Variants in PRKD3 observed in about 807,000 individuals in gnomAD.
PRKD3 encodes protein kinase D3.
A neutral mutation model predicts 99.2 loss-of-function variants in PRKD3; 47 were observed. The ratio of observed to expected loss-of-function variants is 0.47; its 90% CI spans 0.38 to 0.60. PRKD3 has a LOEUF of 0.60. Among genes scored for constraint, PRKD3 ranks in the 20% least tolerant of loss-of-function variants. PRKD3 has a pLI of 0.00. For synonymous variants in PRKD3, 392 were observed against 355.4 expected, an observed-to-expected ratio of 1.10 and a Z score of -1.16; for missense variants, 1,019 against 1,088.4, an observed-to-expected ratio of 0.94 and a Z score of 0.90.
chr2:37,288,642 G>T (rs1277521492), intron 5 of PRKD3, among the ~76,000 whole-genome samples: 1 of 151,730 alleles, frequency 6.6e-6, no homozygotes, highest in African/African-American at 2.4e-5. Context: ...CACTGTATTA[G>T]GAAAAAAAAT....
intron 12 of PRKD3, among the ~76,000 whole-genome samples, chr2:37,270,373 A>G (rs1252249810): frequency 6.6e-6 from 1 of 151,128 alleles, no homozygotes; most frequent in African/African-American, 2.4e-5. Context: ...AAAAAACTCA[A>G]AAGTTCATAT....
chr2:37,266,905 A>C (rs1668882022), intron 14 of PRKD3, among the ~76,000 whole-genome samples: 1 of 152,252 alleles, frequency 6.6e-6, no homozygotes, highest in African/African-American at 2.4e-5. Flanking sequence ...GGATCAAGCT[A>C]AATTTTAATC....
In PRKD3 at chr2:37,251,585, C is replaced by T. The variant is rs754667392; in HGVS notation, c.*1592G>A. 4.6e-5 allele frequency: 7 copies of T among 152,338 alleles called. No individual in the cohort carries two copies. The highest frequency in any genetic ancestry group is 8.8e-5 in the Non-Finnish European group (6 of 67,992). The allele number at this position is 152,338 out of a possible 1,614,324, so 9.4% of individuals were successfully genotyped here. A position where few individuals can be genotyped will look rare whatever the true frequency, so the allele number is the denominator to read the frequency against. On this transcript the variant is annotated 3_prime_UTR_variant, in exon 19 of 19. Transcript: ENST00000234179. ...GACTAGCTTCAGGGATGTCGAAAGG[C>T]CTTCTCAGTCTGTTCATGTACCAGA...
intron 2 of PRKD3, among the ~76,000 whole-genome samples, chr2:37,299,509 AATACACACACACACAC>A (rs1558568201): frequency 8.7e-6 from 1 of 114,860 alleles, no homozygotes; most frequent in South Asian, 3.2e-4. Context: ...CCTCTACTAA[AATACACACACACACAC>A]ACACACACAC....
At position 37,274,615 on chromosome 2, in the gene PRKD3, A is replaced by G; in HGVS notation, c.1457T>C (p.Phe486Ser). Residue 486 changes from phenylalanine to serine, a missense_variant, in exon 11 of 19, where the codon TTT becomes TCT. By Grantham distance (155) the Phe-to-Ser change is radical (BLOSUM62 -2). Coordinates refer to ENST00000234179, the MANE Select transcript of PRKD3 (RefSeq NM_005813.6). ...TACCATAGTATCAGTAATGATTTCA[A>G]AACAGTGTGGATTGCTGCCTTGTGA... ...NISQGSNPHC[F>S]EIITDTMVYF... The G allele has an allele frequency of 6.2e-7, 1 of 1,614,092 alleles. No individual in the cohort carries two copies. Among genetic ancestry groups the G allele is most frequent in the Non-Finnish European group, 8.5e-7 (1 of 1,179,926 alleles).
chr2:37,262,540 A>G (rs1391345382), intron 14 of PRKD3, among the ~76,000 whole-genome samples: 1 of 152,346 alleles, frequency 6.6e-6, no homozygotes, highest in East Asian at 1.9e-4. Context: ...TATAGTAGAT[A>G]AATGAAACTC....
chr2:37,299,086 G>A (rs1670799055), intron 2 of PRKD3, among the ~76,000 whole-genome samples: 1 of 151,966 alleles, frequency 6.6e-6, no homozygotes, highest in African/African-American at 2.4e-5. Context: ...ACTGTCTTGA[G>A]GTATGTTCCT....
intron 1 of PRKD3, among the ~76,000 whole-genome samples, chr2:37,323,517 T>C (rs1208403745): frequency 6.6e-6 from 1 of 152,080 alleles, no homozygotes; most frequent in Non-Finnish European, 1.5e-5. Context: ...ATGCTTGATC[T>C]TAACTCGGAA....
chr2:37,306,507 T>C (rs546974200), intron 2 of PRKD3, among the ~76,000 whole-genome samples: 61 of 152,250 alleles, frequency 4.0e-4, no homozygotes, highest in Admixed American at 1.8e-3. Context: ...ATAAAAACTG[T>C]GCACTGTTAA....
chr2:37,317,381 T>C (rs1043863474), intron 1 of PRKD3, among the ~76,000 whole-genome samples: 4 of 152,084 alleles, frequency 2.6e-5, no homozygotes, highest in Non-Finnish European at 5.9e-5. Flanking sequence ...GCTCGAAAAA[T>C]ATCCTTGGCA....
At chr2:37,291,832 T>C (rs1572675386) in intron 3 of PRKD3, among the ~76,000 whole-genome samples, 2 of 152,330 alleles carry the variant, frequency 1.3e-5, no homozygotes, top group Non-Finnish European at 2.9e-5. Flanking sequence ...GACCCATGGC[T>C]GGCCAGCTTG....
At chr2:37,313,036 T>C (rs1572702852) in intron 2 of PRKD3, among the ~76,000 whole-genome samples, 2 of 152,228 alleles carry the variant, frequency 1.3e-5, no homozygotes, top group South Asian at 4.1e-4. Context: ...AGGTATATAT[T>C]ACATTATAAA....
Position 37,274,415 on chromosome 2 carries a change from GCTTA to G in PRKD3, c.1651+2_1651+5del. The G allele has an allele frequency of 6.2e-7, 1 of 1,613,798 alleles. No homozygotes were observed. Among genetic ancestry groups the G allele is most frequent in the Non-Finnish European group, 8.5e-7 (1 of 1,179,796 alleles). On this transcript the variant is annotated splice_donor_variant and splice_donor_5th_base_variant and intron_variant, in intron 11 of 18. Transcript: ENST00000234179. LOFTEE classifies it high-confidence loss of function. ...AGAAAAAGCCATCAAGAAGTTTATTGCTTACTGTGATCTTTCCCTTGCCCTGGAG... is the reference window on the plus strand; with the variant it reads ...AGAAAAAGCCATCAAGAAGTTTATTGCTGTGATCTTTCCCTTGCCCTGGAG...
chr2:37,253,220 A>C lies in PRKD3; in HGVS notation c.2630T>G (p.Phe877Cys). 8.1e-6 allele frequency: 13 copies of C among 1,612,044 alleles called. No homozygotes were observed. Among genetic ancestry groups the C allele is most frequent in the Non-Finnish European group, 1.1e-5 (13 of 1,178,778 alleles). Residue 877 changes from phenylalanine to cysteine, a missense_variant, in exon 19 of 19, where the codon TTC becomes TGC. Around this residue, in one of 3 missense-constraint regions of PRKD3, gnomAD observed 125 missense variants for 120.6 expected, o/e 1.04. Coordinates refer to ENST00000234179, the MANE Select transcript of PRKD3 (RefSeq NM_005813.6). ...ATCATCTGGATTAGGAGCCATAATG[A>C]AGTGCTTTGGGTATACAAGGTTATG... ...YTHNLVYPKHFIMAPNPDDME... is the reference protein window; with the variant it reads ...YTHNLVYPKHCIMAPNPDDME...
At chr2:37,313,315 C>A (rs1243603465) in intron 2 of PRKD3, among the ~76,000 whole-genome samples, 1 of 149,400 alleles carries the variant, frequency 6.7e-6, no homozygotes. Context: ...AGATTGCTGA[C>A]CCCTGCATTA....
intron 2 of PRKD3, among the ~76,000 whole-genome samples, chr2:37,312,460 T>C (rs980559479): frequency 6.6e-6 from 1 of 152,224 alleles, no homozygotes; most frequent in African/African-American, 2.4e-5. Flanking sequence ...GTACTACATA[T>C]TTCAAGTCAA....
At chr2:37,293,545 C>G (rs1572678333) in intron 2 of PRKD3, among the ~76,000 whole-genome samples, 1 of 152,142 alleles carries the variant, frequency 6.6e-6, no homozygotes, top group Non-Finnish European at 1.5e-5. Context: ...TATTCAGTTA[C>G]TGATGGAGAA....
Position 37,274,481 on chromosome 2 carries a change from G to A in PRKD3, c.1591C>T (p.Leu531Phe). 6.2e-7 allele frequency: 1 copy of A among 1,614,148 alleles called. No individual in the cohort carries two copies. Among genetic ancestry groups the A allele is most frequent in the Non-Finnish European group, 8.5e-7 (1 of 1,179,998 alleles). ...CTTGCTTGAGGAGTAACAGGCATGA[G>A]GGCTTGGCGAATTGCTTTTTCCCAG... is the stretch of plus-strand genomic sequence containing the variant. ...QSWEKAIRQA[L>F]MPVTPQASVC... The change falls in exon 11 of 19, where the codon CTC becomes TTC. Residue 531 changes from leucine to phenylalanine, a missense_variant. This residue lies in a region of PRKD3 where 710 missense variants were observed against 692.7 expected (regional missense o/e 1.02). Transcript: ENST00000234179.
chr2:37,266,633 T>TGC (rs1252912213), intron 14 of PRKD3, among the ~76,000 whole-genome samples: 2 of 152,090 alleles, frequency 1.3e-5, no homozygotes, highest in Non-Finnish European at 2.9e-5. Context: ...ATTATGGGCA[T>TGC]GCGCCACCGT....
Sources: gnomAD v4.1 joint callset for allele counts (sites outside exome capture counted in the v4.1 genomes callset) on GRCh38, gnomAD v4.1.1 for gene constraint, gnomAD v4.1.1 regional missense constraint, MANE v1.5 for transcripts, NCBI Gene and HGNC (gene_info 2026-07-23, HGNC 2026-07-21) for gene names.